Variants in DAB2IP observed in about 807,000 individuals in gnomAD.
DAB2IP encodes DAB2 interacting protein, also known as disabled homolog 2-interacting protein.
In DAB2IP, 28 loss-of-function variants were observed where a neutral mutation model predicts 107.2. The observed-to-expected ratio is 0.26, with a 90% CI of 0.19 to 0.36. The LOEUF (loss-of-function observed/expected upper bound fraction) is 0.36, where lower values mean the gene tolerates loss of function less well. Among genes scored for constraint, DAB2IP ranks in the 10% least tolerant of loss-of-function variants. The probability of loss-of-function intolerance (pLI) is 1.00; values close to 1 mark genes in which losing one functional copy is unlikely to be tolerated. For synonymous variants in DAB2IP, 755 were observed against 706.4 expected (o/e 1.07, Z -1.09); for missense variants, 1,400 against 1,644.7 (o/e 0.85, Z 2.57).
At chr9:121,613,831 G>A (rs957596432) in intron 1 of DAB2IP, among the ~76,000 whole-genome samples, 1 of 152,230 alleles carries the variant, frequency 6.6e-6, no homozygotes, top group Admixed American at 6.5e-5. Context: ...ACTTGTTGGA[G>A]AAATTCTGTC....
intron 1 of DAB2IP, among the ~76,000 whole-genome samples, chr9:121,617,988 G>A (rs1048268684): frequency 1.3e-5 from 2 of 152,202 alleles, no homozygotes; most frequent in Non-Finnish European, 2.9e-5. Flanking sequence ...CTAAAGGACA[G>A]GGACCTTTTG....
intron 1 of DAB2IP, among the ~76,000 whole-genome samples, chr9:121,620,243 C>T (rs1321663603): frequency 6.6e-6 from 1 of 152,204 alleles, no homozygotes. Flanking sequence ...GCCAGGCACC[C>T]CTGCCCTCCC....
chr9:121,603,296 G>T (rs532786123), intron 1 of DAB2IP, among the ~76,000 whole-genome samples: 191 of 152,350 alleles, frequency 1.3e-3, no homozygotes, highest in Non-Finnish European at 2.2e-3. Context: ...GACTCACTAG[G>T]AGAGATACAG....
intron 2 of DAB2IP, among the ~76,000 whole-genome samples, chr9:121,689,461 G>A (rs1829051973): frequency 6.6e-6 from 1 of 152,242 alleles, no homozygotes; most frequent in Admixed American, 6.5e-5. Flanking sequence ...AGTGAAAAGG[G>A]CTTTTAAAAG....
intron 1 of DAB2IP, among the ~76,000 whole-genome samples, chr9:121,595,045 T>G (rs577789290): frequency 6.6e-6 from 1 of 152,264 alleles, no homozygotes; most frequent in South Asian, 2.1e-4. Context: ...TGACTGGGAC[T>G]AGGGTGTGAA....
At chr9:121,596,034 T>A (rs4836858) in intron 1 of DAB2IP, among the ~76,000 whole-genome samples, 92,185 of 151,796 alleles carry the variant, frequency 0.61, 28,292 homozygotes, top group Middle Eastern at 0.63. Context: ...CAAATAAAAA[T>A]ATTAGGCCAG....
chr9:121,758,980 C>T (rs761730279), exon 5 of DAB2IP: 15 of 1,612,432 alleles, frequency 9.3e-6, no homozygotes, highest in Middle Eastern at 1.6e-4. Context: ...CTCCGGCGAG[C>T]GGTGCATCCC....
At chr9:121,636,346 TG>T (rs1189235263) in intron 1 of DAB2IP, among the ~76,000 whole-genome samples, 4 of 152,152 alleles carry the variant, frequency 2.6e-5, no homozygotes, top group African/African-American at 9.7e-5. Context: ...TAGCATAAGA[TG>T]GCAAAGTGAC....
intron 1 of DAB2IP, among the ~76,000 whole-genome samples, chr9:121,672,587 G>A (rs1833727084): frequency 6.6e-6 from 1 of 152,202 alleles, no homozygotes; most frequent in African/African-American, 2.4e-5. Flanking sequence ...CTGGTAAATG[G>A]AGACCCTTTC....
intron 1 of DAB2IP, among the ~76,000 whole-genome samples, chr9:121,570,110 T>C (rs1829902515): frequency 8.5e-5 from 6 of 70,232 alleles, no homozygotes; most frequent in Non-Finnish European, 1.5e-4. Flanking sequence ...TCTTTCTCTT[T>C]TTTTTTTTTT....
intron 1 of DAB2IP, among the ~76,000 whole-genome samples, chr9:121,601,300 T>C (rs1830677442): frequency 6.6e-6 from 1 of 152,168 alleles, no homozygotes; most frequent in Admixed American, 6.5e-5. Context: ...GGCCCTCCTA[T>C]CCCCGCATTC....
chr9:121,761,505 C>T (rs1337307010), intron 6 of DAB2IP, among the ~76,000 whole-genome samples: 17 of 152,180 alleles, frequency 1.1e-4, no homozygotes, highest in Admixed American at 1.1e-3. Context: ...CGTGGAGGTC[C>T]CTCACCCTCT....
At chr9:121,646,687 C>T (rs548241118), upstream of DAB2IP, among the ~76,000 whole-genome samples, 50 of 152,244 alleles carry the variant, frequency 3.3e-4, no homozygotes, top group African/African-American at 1.2e-3. Flanking sequence ...TTGTGTGGGG[C>T]CTAGTGTGGG....
chr9:121,593,570 C>T (rs746576343), intron 1 of DAB2IP, among the ~76,000 whole-genome samples: 1 of 151,834 alleles, frequency 6.6e-6, no homozygotes, highest in Non-Finnish European at 1.5e-5. Context: ...CTGTGCTCAG[C>T]CCCCTGGAAT....
Position 121,766,514 on chromosome 9 carries a change from A to G in DAB2IP, c.1481A>G (p.Lys494Arg). Residue 494 changes from lysine (K) to arginine (R), a missense_variant, in exon 9 of 16, where the codon AAA becomes AGA. Around this residue, in one of 3 missense-constraint regions of DAB2IP, gnomAD observed 517 missense variants for 748.6 expected, o/e 0.69. Coordinates refer to ENST00000408936, the Ensembl canonical transcript of DAB2IP. ...CACAGTGTCTTCCCACGGGAGTTGA[A>G]AGAGGTGTTTGCCTCGTGGAGGCAG... is the stretch of plus-strand genomic sequence containing the variant. 3 of 1,609,094 alleles carry G rather than the reference A, an allele frequency of 1.9e-6. No individual in the cohort carries two copies. In the South Asian group the frequency reaches 3.3e-5, roughly 18 times the overall value.
chr9:121,695,558 G>T (rs1413805464), intron 2 of DAB2IP, among the ~76,000 whole-genome samples: 1 of 152,192 alleles, frequency 6.6e-6, no homozygotes, highest in Non-Finnish European at 1.5e-5. Context: ...GATGTGAGGG[G>T]GCTAGAGCTG....
chr9:121,755,279 C>T lies in DAB2IP; in HGVS notation c.363-1734C>T, dbSNP rs571727154. On this transcript the variant is annotated intron_variant, in intron 3 of 15. Transcript: ENST00000408936. ...TGGCGTGGCAGGTAGGCCAGTGCCC[C>T]TTTGTGAACTGGACCTCCCAGGGAG... 3.4e-3 allele frequency among the ~76,000 whole-genome samples: 520 copies of T among 152,328 alleles called. 2 individuals carry two copies. The highest frequency in any genetic ancestry group is 4.0e-3 in the Non-Finnish European group (273 of 68,032).
intron 1 of DAB2IP, among the ~76,000 whole-genome samples, chr9:121,609,349 G>A (rs118115974): frequency 0.027 from 4,058 of 152,158 alleles, 79 homozygotes; most frequent in Non-Finnish European, 0.037. Context: ...GTTCTAGCCC[G>A]ACCTGACTCA....
intron 1 of DAB2IP, among the ~76,000 whole-genome samples, chr9:121,578,307 A>C: frequency 6.6e-6 from 1 of 150,740 alleles, no homozygotes; most frequent in South Asian, 2.1e-4. Flanking sequence ...ATCTCTCTGT[A>C]TCTCTGCCTC....
Sources: allele counts gnomAD v4.1 joint callset (sites outside exome capture counted in the v4.1 genomes callset), GRCh38; gene constraint gnomAD v4.1.1; regional missense constraint gnomAD v4.1.1; transcripts MANE v1.5; gene names NCBI Gene and HGNC (gene_info 2026-07-23, HGNC 2026-07-21).